USP24: variants seen among roughly 807,000 people sequenced by gnomAD.
USP24 encodes ubiquitin specific peptidase 24, also known as ubiquitin carboxyl-terminal hydrolase 24.
In USP24, 97 loss-of-function variants were observed where a neutral mutation model predicts 361.6. The ratio of observed to expected loss-of-function variants is 0.27; its 90% CI spans 0.23 to 0.32. USP24 has a LOEUF of 0.32. Among genes scored for constraint, USP24 ranks in the 10% least tolerant of loss-of-function variants. USP24 has a pLI of 1.00. For synonymous variants in USP24, 1,098 were observed against 1,124.6 expected (o/e 0.98, Z 0.47); for missense variants, 2,353 against 3,165.6 (o/e 0.74, Z 6.16).
intron 1 of USP24, among the ~76,000 whole-genome samples, chr1:55,203,722 G>C (rs1470876318): frequency 6.6e-6 from 1 of 152,074 alleles, no homozygotes; most frequent in Non-Finnish European, 1.5e-5. Context: ...ACCATAAAAA[G>C]CTCAAAGTAT....
intron 1 of USP24, among the ~76,000 whole-genome samples, chr1:55,192,532 A>G (rs1420992973): frequency 6.6e-6 from 1 of 152,258 alleles, no homozygotes; most frequent in African/African-American, 2.4e-5. Flanking sequence ...TTTGTCTATT[A>G]CTTGTGTATT....
chr1:55,100,700 T>C (rs1305358332), intron 44 of USP24, 139 bp downstream of exon 44: 5 of 888,178 alleles, frequency 5.6e-6, no homozygotes, highest in African/African-American at 1.8e-5. Context: ...ATTTCAACAA[T>C]GGTATACCAA....
At chr1:55,151,675 G>A (rs1284407747) in intron 16 of USP24, among the ~76,000 whole-genome samples, 1 of 152,130 alleles carries the variant, frequency 6.6e-6, no homozygotes, top group African/African-American at 2.4e-5. Context: ...AAGAGGGAAG[G>A]ATTGGGGTAG....
intron 28 of USP24, 38 bp from the exon 29 acceptor site, chr1:55,134,451 A>G (rs1269362484): frequency 1.3e-6 from 2 of 1,538,488 alleles, no homozygotes; most frequent in African/African-American, 2.7e-5. Context: ...CAAATTTACA[A>G]AAGAATGTTC....
chr1:55,105,944 C>T (rs761438155), intron 41 of USP24, among the ~76,000 whole-genome samples: 6 of 152,160 alleles, frequency 3.9e-5, no homozygotes, highest in Non-Finnish European at 7.3e-5. Context: ...AATAATGGTA[C>T]CAGCACACTT....
At chr1:55,214,763 C>T (rs1644943016) in intron 1 of USP24, 27 bp downstream of exon 1, 7 of 1,213,528 alleles carry the variant, frequency 5.8e-6, no homozygotes, top group Non-Finnish European at 7.2e-6. Context: ...TGGCTTCCCA[C>T]AGAGGTCTGG....
intron 59 of USP24, among the ~76,000 whole-genome samples, chr1:55,080,539 T>A (rs1016029598): frequency 6.6e-6 from 1 of 152,206 alleles, no homozygotes; most frequent in Non-Finnish European, 1.5e-5. Flanking sequence ...TGAATACTCC[T>A]CATAGGTTTG....
rs1251029982 is a variant in USP24, at chr1:55,142,737, C to T, written c.2634+5G>A. 1 of 1,511,784 alleles carries T rather than the reference C, an allele frequency of 6.6e-7. No homozygotes were observed. The highest frequency in any genetic ancestry group is 8.9e-7 in the Non-Finnish European group (1 of 1,124,424). The allele number at this position is 1,511,784 out of a possible 1,614,324, so 93.6% of individuals were successfully genotyped here. A position where few individuals can be genotyped will look rare whatever the true frequency, so the allele number is the denominator to read the frequency against. ...AAGAGATGTTAAATAAAATTTGCTACTCACTTCTAATCTTGTGTAGCAATC... is the reference window on the plus strand; with the variant it reads ...AAGAGATGTTAAATAAAATTTGCTATTCACTTCTAATCTTGTGTAGCAATC... On this transcript the variant is annotated splice_donor_5th_base_variant and intron_variant, in intron 23 of 67. Coordinates refer to ENST00000294383, the MANE Select transcript of USP24 (RefSeq NM_015306.3).
chr1:55,094,696 TAA>T (rs35026432), intron 51 of USP24, among the ~76,000 whole-genome samples: 6 of 109,004 alleles, frequency 5.5e-5, no homozygotes, highest in Admixed American at 1.0e-4. Context: ...CTGCTAACAT[TAA>T]AAAAAAAAAA....
intron 40 of USP24, among the ~76,000 whole-genome samples, 189 bp downstream of exon 40, chr1:55,107,050 G>A (rs1258367820): frequency 4.6e-5 from 7 of 152,152 alleles, no homozygotes; most frequent in Non-Finnish European, 7.4e-5. Context: ...TCTCTATGTT[G>A]TTTAATGACA....
chr1:55,153,014 CA>C (rs1285750583), intron 16 of USP24, among the ~76,000 whole-genome samples: 1 of 152,084 alleles, frequency 6.6e-6, no homozygotes, highest in Non-Finnish European at 1.5e-5. Context: ...GTTATTCTAC[CA>C]AAACTTTTCT....
intron 1 of USP24, among the ~76,000 whole-genome samples, chr1:55,199,588 AGTGTGTGTGTGTGTGTGTGT>A (rs55710750): frequency 0.013 from 1,927 of 146,494 alleles, 39 homozygotes; most frequent in African/African-American, 0.046. Context: ...GTTCAGAAAA[AGTGTGTGTGTGTGTGTGTGT>A]GTGTGTGTGT....
chr1:55,129,681 T>C, intron 31 of USP24, 107 bp from the exon 32 acceptor site: 7 of 765,018 alleles, frequency 9.2e-6, no homozygotes, highest in Non-Finnish European at 1.5e-5. Context: ...CTTTAAATGT[T>C]GCACACTGTT....
chr1:55,101,926 C>T (rs565441706), intron 42 of USP24, among the ~76,000 whole-genome samples: 137 of 152,252 alleles, frequency 9.0e-4, no homozygotes, highest in African/African-American at 3.1e-3. Flanking sequence ...CATAAAATAC[C>T]TGGCAGATAG....
Position 55,214,840 on chromosome 1 carries a change from C to T in USP24, c.274G>A (p.Gly92Arg), listed in dbSNP as rs1644945629. The T allele has an allele frequency of 8.2e-7, 1 of 1,223,620 alleles. No homozygotes were observed. The highest frequency in any genetic ancestry group is 1.0e-6 in the Non-Finnish European group (1 of 974,414). The allele number at this position is 1,223,620 out of a possible 1,614,324, so 75.8% of individuals were successfully genotyped here. The change falls in exon 1 of 68, where the codon GGG becomes AGG. Residue 92 changes from glycine to arginine, a missense_variant. By Grantham distance (125) the Gly-to-Arg change is moderately radical. Transcript: ENST00000294383. ...GCGGGCGGGGGGTCGAAGCCGCCCC[C>T]GCCTCCGGTGCTCCCGCCGCGGGAG... ...GPSRGGSTGG[G>R]GGFDPPPAYH...
At chr1:55,179,335 A>C (rs1382021033) in intron 1 of USP24, among the ~76,000 whole-genome samples, 1 of 152,102 alleles carries the variant, frequency 6.6e-6, no homozygotes, top group Non-Finnish European at 1.5e-5. Context: ...TCAGTTCCTC[A>C]AACCCCAGTG....
At position 55,077,343 on chromosome 1, in the gene USP24, T is replaced by C. The variant is rs373685319; in HGVS notation, c.7315-43A>G. 1.3e-4 allele frequency: 201 copies of C among 1,502,080 alleles called. 1 individual carries two copies. In the African/African-American group the frequency reaches 2.3e-3, roughly 17 times the overall value. 93.0% of individuals were successfully genotyped at this position (1,502,080 alleles called of 1,614,324 possible). A position where few individuals can be genotyped will look rare whatever the true frequency, so the allele number is the denominator to read the frequency against. ...AGCATAAAAACTTCAGTGGAAAGCA[T>C]ATTGGAATGGCAATTAACAATGCTG... On this transcript the variant is annotated intron_variant, in intron 61 of 67. Transcript: ENST00000294383.
At chr1:55,213,110 T>C (rs1484069925) in intron 1 of USP24, among the ~76,000 whole-genome samples, 1 of 152,118 alleles carries the variant, frequency 6.6e-6, no homozygotes, top group Admixed American at 6.5e-5. Flanking sequence ...CTTTGCAGAG[T>C]TATACAAACA....
At chr1:55,128,747 G>A (rs192250820) in intron 32 of USP24, among the ~76,000 whole-genome samples, 2 of 91,532 alleles carry the variant, frequency 2.2e-5, no homozygotes. Flanking sequence ...ACAGGATCTT[G>A]TTCCGTTGCC....
Sources: allele counts gnomAD v4.1 joint callset (sites outside exome capture counted in the v4.1 genomes callset), GRCh38; gene constraint gnomAD v4.1.1; transcripts MANE v1.5; gene names NCBI Gene and HGNC (gene_info 2026-07-23, HGNC 2026-07-21).